MGST1: variants seen among roughly 807,000 people sequenced by gnomAD.
MGST1 encodes the protein microsomal glutathione S-transferase 1.
Under a neutral mutation model 8.9 loss-of-function variants are expected in MGST1, and 5 were observed. That is an observed-to-expected ratio of 0.56 (90% CI 0.29 to 1.19). The LOEUF is 1.19. Among genes scored for constraint, MGST1 ranks in the 50% most tolerant of loss-of-function variants. The probability of loss-of-function intolerance (pLI) is 0.08; values close to 1 mark genes in which losing one functional copy is unlikely to be tolerated. For synonymous variants in MGST1, 54 were observed against 67.8 expected, an observed-to-expected ratio of 0.80 and a Z score of 1.00; for missense variants, 182 against 187.4, an observed-to-expected ratio of 0.97 and a Z score of 0.17.
chr12:16,358,757 C>T (rs960202430), intron 3 of MGST1, among the ~76,000 whole-genome samples: 4 of 146,624 alleles, frequency 2.7e-5, no homozygotes, highest in East Asian at 2.1e-4. Context: ...CGTGAGCCAC[C>T]GGACCTGGCC....
chr12:16,407,874 A>T (rs960174760), intron 1 of MGST1, among the ~76,000 whole-genome samples: 8 of 151,902 alleles, frequency 5.3e-5, no homozygotes, highest in African/African-American at 1.9e-4. Flanking sequence ...TCTACTAAAA[A>T]TACAAAAATT....
At chr12:16,390,022 A>G (rs1306554203) in intron 1 of MGST1, among the ~76,000 whole-genome samples, 2 of 152,224 alleles carry the variant, frequency 1.3e-5, no homozygotes, top group Admixed American at 1.3e-4. Flanking sequence ...TCATTTTGAT[A>G]TGTTCACATT....
At chr12:16,415,257 T>A (rs1180585909) in intron 1 of MGST1, among the ~76,000 whole-genome samples, 2 of 152,252 alleles carry the variant, frequency 1.3e-5, no homozygotes, top group East Asian at 3.8e-4. Flanking sequence ...ATTAGCAGTT[T>A]ACATTGTTTA....
At chr12:16,443,170 A>G (rs887500261), downstream of MGST1, among the ~76,000 whole-genome samples, 5 of 151,860 alleles carry the variant, frequency 3.3e-5, no homozygotes, top group African/African-American at 9.7e-5. Context: ...TAATTCAGCA[A>G]TAGTATCTTT....
intron 4 of MGST1, among the ~76,000 whole-genome samples, chr12:16,476,439 C>T (rs1941323934): frequency 6.6e-6 from 1 of 152,074 alleles, no homozygotes; most frequent in Admixed American, 6.6e-5. Flanking sequence ...ATACTGCAAC[C>T]TTCTCTCAGC....
intron 4 of MGST1, among the ~76,000 whole-genome samples, chr12:16,495,955 TTATG>T (rs765314776): frequency 2.0e-5 from 3 of 152,066 alleles, no homozygotes; most frequent in African/African-American, 4.8e-5. Context: ...TATAAACTGT[TTATG>T]TATTTATATG....
At position 16,362,151 on chromosome 12, in the gene MGST1, A is replaced by C. The variant is rs969680982; in HGVS notation, c.222-1644A>C. Among the ~76,000 whole-genome samples, 3 of 152,186 alleles carry C rather than the reference A, an allele frequency of 2.0e-5. No individual in the cohort carries two copies. The highest frequency in any genetic ancestry group is 7.2e-5 in the African/African-American group (3 of 41,446). ...TCTGTGATGCTGGGGGAGAAATCAC[A>C]GGGGCAAAACAAATACTCTAGGTGT... On this transcript the variant is annotated intron_variant, in intron 3 of 3. Coordinates refer to ENST00000396210, the MANE Select transcript of MGST1 (RefSeq NM_020300.5). The surrounding 1 kb of genome is among the most constrained non-coding windows in gnomAD (Gnocchi z 4.4).
downstream of MGST1, among the ~76,000 whole-genome samples, chr12:16,381,513 T>C (rs1388348248): frequency 2.0e-5 from 3 of 152,210 alleles, no homozygotes; most frequent in East Asian, 5.8e-4. Context: ...AGATCAGCTA[T>C]TAGTCTGATG....
intron 4 of MGST1, among the ~76,000 whole-genome samples, chr12:16,551,943 A>G (rs2137250358): frequency 6.6e-6 from 1 of 152,158 alleles, no homozygotes; most frequent in South Asian, 2.1e-4. Flanking sequence ...CAAGTTCACC[A>G]ACATGAAATA....
intron 4 of MGST1, among the ~76,000 whole-genome samples, chr12:16,533,607 G>A (rs1941735902): frequency 6.6e-6 from 1 of 151,990 alleles, no homozygotes; most frequent in African/African-American, 2.4e-5. Context: ...ATTCTAGGAT[G>A]GTAAACTGCA....
intron 1 of MGST1, among the ~76,000 whole-genome samples, chr12:16,384,818 T>C (rs1038791862): frequency 5.9e-5 from 9 of 152,228 alleles, no homozygotes; most frequent in Admixed American, 6.5e-5. Context: ...TCTCTTGACG[T>C]ACTTTTGTAC....
At chr12:16,418,807 AAC>A (rs1335382587) in intron 1 of MGST1, among the ~76,000 whole-genome samples, 1 of 152,152 alleles carries the variant, frequency 6.6e-6, no homozygotes, top group African/African-American at 2.4e-5. Context: ...TAAAGAACTT[AAC>A]ACAGTCCAGT....
intron 1 of MGST1, among the ~76,000 whole-genome samples, chr12:16,417,259 G>A (rs1940795920): frequency 6.6e-6 from 1 of 152,274 alleles, no homozygotes; most frequent in Non-Finnish European, 1.5e-5. Context: ...GCAGGAGAGG[G>A]AAGTGCAAGC....
At chr12:16,553,601 C>T (rs545292116) in intron 4 of MGST1, among the ~76,000 whole-genome samples, 4 of 152,050 alleles carry the variant, frequency 2.6e-5, no homozygotes, top group African/African-American at 7.2e-5. Context: ...CAAGATGAAA[C>T]GAACATGGAT....
chr12:16,525,797 C>T (rs1941682505), intron 4 of MGST1, among the ~76,000 whole-genome samples: 1 of 151,288 alleles, frequency 6.6e-6, no homozygotes, highest in Admixed American at 6.6e-5. Context: ...ACATCCTCTC[C>T]AGCACTTGTC....
At chr12:16,436,039 G>A (rs1018906046) in intron 1 of MGST1, among the ~76,000 whole-genome samples, 1 of 151,484 alleles carries the variant, frequency 6.6e-6, no homozygotes, top group African/African-American at 2.4e-5. Context: ...GGACCTGATG[G>A]TTTCTTGGCT....
At chr12:16,592,479 G>A (rs961523916), downstream of MGST1, among the ~76,000 whole-genome samples, 1 of 151,962 alleles carries the variant, frequency 6.6e-6, no homozygotes, top group South Asian at 2.1e-4. Context: ...TACATTCACA[G>A]TATAAGTGAG....
chr12:16,375,145 T>G (rs1189309113), intron 3 of MGST1, among the ~76,000 whole-genome samples: 1 of 152,186 alleles, frequency 6.6e-6, no homozygotes, highest in South Asian at 2.1e-4. Context: ...CCTCCCAAAG[T>G]GCCGGGATTG....
intron 4 of MGST1, among the ~76,000 whole-genome samples, chr12:16,580,569 CAGGTAGT>C (rs1943128504): frequency 2.6e-5 from 4 of 152,082 alleles, no homozygotes. Context: ...GAACAAGGAT[CAGGTAGT>C]AGATTATATA....
Sources: allele counts gnomAD v4.1 joint callset (sites outside exome capture counted in the v4.1 genomes callset), GRCh38; gene constraint gnomAD v4.1.1; non-coding constraint Gnocchi (gnomAD v3.1); transcripts MANE v1.5; gene names NCBI Gene and HGNC (gene_info 2026-07-23, HGNC 2026-07-21).